LRRC28: variants seen among roughly 807,000 people sequenced by gnomAD.
LRRC28 encodes the protein leucine rich repeat containing 28.
LRRC28 carries 39 observed loss-of-function variants against 45.7 expected under a neutral mutation model. That is an observed-to-expected ratio of 0.85 (90% CI 0.66 to 1.12). The LOEUF (loss-of-function observed/expected upper bound fraction) is 1.12, where lower values mean the gene tolerates loss of function less well. Ranked by LOEUF, LRRC28 falls within the 50% of genes most tolerant of loss-of-function variation. LRRC28 has a pLI of 0.00. For synonymous variants in LRRC28, 206 were observed against 178.8 expected, an observed-to-expected ratio of 1.15 and a Z score of -1.22; for missense variants, 435 against 438.5, an observed-to-expected ratio of 0.99 and a Z score of 0.07.
intron 2 of LRRC28, chr15:99,258,601 A>T: frequency 1.3e-6 from 1 of 757,496 alleles, no homozygotes; most frequent in East Asian, 2.6e-5. Context: ...AAAGTTGAAA[A>T]AACTGTCTGT....
At chr15:99,355,251 A>G (rs1442784645) in intron 7 of LRRC28, among the ~76,000 whole-genome samples, 1 of 152,244 alleles carries the variant, frequency 6.6e-6, no homozygotes, top group Non-Finnish European at 1.5e-5. Flanking sequence ...AGATAGTTTA[A>G]ATGTTTATCT....
intron 9 of LRRC28, among the ~76,000 whole-genome samples, chr15:99,370,494 T>A (rs1160884378): frequency 2.0e-5 from 3 of 152,054 alleles, no homozygotes; most frequent in Non-Finnish European, 4.4e-5. Context: ...AAGGGGGGAA[T>A]GTGGAGTTAT....
intron 1 of LRRC28, among the ~76,000 whole-genome samples, chr15:99,255,463 T>C (rs1277718357): frequency 6.6e-6 from 1 of 152,028 alleles, no homozygotes; most frequent in Non-Finnish European, 1.5e-5. Flanking sequence ...CTATTAGTGC[T>C]CTAGATATAA....
At chr15:99,298,274 G>A (rs1164519071) in intron 5 of LRRC28, among the ~76,000 whole-genome samples, 2 of 152,198 alleles carry the variant, frequency 1.3e-5, no homozygotes, top group Non-Finnish European at 2.9e-5. Flanking sequence ...GCTTGGTGCT[G>A]TATGGGAACA....
chr15:99,309,611 G>T (rs1016002093), intron 5 of LRRC28, among the ~76,000 whole-genome samples: 22 of 152,128 alleles, frequency 1.4e-4, no homozygotes, highest in African/African-American at 4.6e-4. Flanking sequence ...GTTTCATCAT[G>T]TTGGCCAGGC....
At chr15:99,356,331 A>G (rs1045762469) in intron 7 of LRRC28, among the ~76,000 whole-genome samples, 2 of 152,212 alleles carry the variant, frequency 1.3e-5, no homozygotes, top group East Asian at 3.8e-4. Flanking sequence ...CAATGAAGTA[A>G]TGAATGAAAA....
chr15:99,333,010 C>T (rs1390459480), intron 5 of LRRC28, among the ~76,000 whole-genome samples: 1 of 152,178 alleles, frequency 6.6e-6, no homozygotes, highest in Non-Finnish European at 1.5e-5. Flanking sequence ...TGGTCTTCAA[C>T]GTCTCAGTCT....
At chr15:99,369,020 A>G (rs116475929) in intron 9 of LRRC28, among the ~76,000 whole-genome samples, 207 of 152,288 alleles carry the variant, frequency 1.4e-3, no homozygotes, top group African/African-American at 4.1e-3. Flanking sequence ...ACAGAACACA[A>G]TTCACTCAAG....
chr15:99,377,561 T>G (rs1957679612), intron 9 of LRRC28, among the ~76,000 whole-genome samples: 1 of 152,200 alleles, frequency 6.6e-6, no homozygotes, highest in Non-Finnish European at 1.5e-5. Context: ...ATCCCATTTG[T>G]CAATTTTGGC....
chr15:99,283,323 C>T (rs1042410801), intron 3 of LRRC28, among the ~76,000 whole-genome samples: 2 of 150,974 alleles, frequency 1.3e-5, no homozygotes, highest in African/African-American at 4.9e-5. Context: ...CTTAGAATTC[C>T]ATGGTACAGG....
chr15:99,284,965 G>A (rs2081918072), intron 3 of LRRC28: 1 of 622,032 alleles, frequency 1.6e-6, no homozygotes, highest in Non-Finnish European at 3.1e-6. Context: ...CCACCTCCAC[G>A]ACCACCATCA....
chr15:99,375,231 A>G lies in LRRC28; in HGVS notation c.1032-10799A>G, dbSNP rs141592750. Among the ~76,000 whole-genome samples the G allele has an allele frequency of 3.4e-4, 52 of 152,332 alleles. No homozygotes were observed. The East Asian group carries it at 8.7e-3, about 25-fold the overall frequency. On this transcript the variant is annotated intron_variant, in intron 9 of 9. Coordinates refer to ENST00000301981, the MANE Select transcript of LRRC28 (RefSeq NM_144598.5). The stretch of plus-strand genomic sequence containing the variant: ...AAATGCTGCTTCTGAGTCCATTGAT[A>G]TGATCATATGGTTTTTCTTTTGCCT...
intron 5 of LRRC28, among the ~76,000 whole-genome samples, chr15:99,332,426 T>G (rs529880188): frequency 1.7e-4 from 26 of 152,168 alleles, no homozygotes; most frequent in Non-Finnish European, 3.2e-4. Flanking sequence ...ATTAGAAAAA[T>G]AACTACAAGT....
rs776981133 is a variant in LRRC28 at position 99,386,109 on chromosome 15, C to G, written c.*7C>G. 4.3e-6 allele frequency: 7 copies of G among 1,612,262 alleles called. No individual in the cohort carries two copies. In the Admixed American group the frequency reaches 6.7e-5, roughly 15 times the overall value. The stretch of plus-strand genomic sequence containing the variant: ...TTTTGACCTGCTGAGTTGATAAACA[C>G]TCAAGAACCTCAGGAGCGCTGCCAG... On this transcript the variant is annotated 3_prime_UTR_variant, in exon 10 of 10. Coordinates refer to ENST00000301981, the MANE Select transcript of LRRC28 (RefSeq NM_144598.5).
At chr15:99,305,610 C>G (rs12594709) in intron 5 of LRRC28, among the ~76,000 whole-genome samples, 1 of 151,926 alleles carries the variant, frequency 6.6e-6, no homozygotes, top group South Asian at 2.1e-4. Flanking sequence ...AATATCAGGG[C>G]TTGTTTATTT....
intron 3 of LRRC28, chr15:99,285,352 T>C (rs2081929186): frequency 2.7e-6 from 2 of 742,696 alleles, no homozygotes; most frequent in Non-Finnish European, 2.5e-6. Context: ...CCACCTTGTG[T>C]GGCTTTGCAT....
Position 99,388,635 on chromosome 15 carries a change from A to G in LRRC28, c.*2533A>G, listed in dbSNP as rs1423675445. 6.6e-6 allele frequency: 1 copy of G among 152,260 alleles called. No individual in the cohort carries two copies. Among genetic ancestry groups the G allele is most frequent in the Non-Finnish European group, 1.5e-5 (1 of 68,048 alleles). The allele number at this position is 152,260 out of a possible 1,614,324, so 9.4% of individuals were successfully genotyped here. A position where few individuals can be genotyped will look rare whatever the true frequency, so the allele number is the denominator to read the frequency against. On this transcript the variant is annotated 3_prime_UTR_variant, in exon 10 of 10. Transcript: ENST00000301981. ...CTTACCAACTGGAGAAAATTTGCCT[A>G]CATGCTATATATTTGAATTGTGTCC...
intron 5 of LRRC28, among the ~76,000 whole-genome samples, chr15:99,316,681 A>G (rs996211658): frequency 8.6e-5 from 13 of 151,444 alleles, no homozygotes; most frequent in African/African-American, 3.2e-4. Context: ...TTGTGCAAAG[A>G]GAGATTTGAG....
At chr15:99,281,335 TCA>T (rs1297142507) in intron 3 of LRRC28, among the ~76,000 whole-genome samples, 1 of 152,160 alleles carries the variant, frequency 6.6e-6, no homozygotes, top group Non-Finnish European at 1.5e-5. Context: ...CACTGTAACA[TCA>T]AACTCCTGGG....
Sources: allele counts gnomAD v4.1 joint callset (sites outside exome capture counted in the v4.1 genomes callset), GRCh38; gene constraint gnomAD v4.1.1; transcripts MANE v1.5; gene names NCBI Gene and HGNC (gene_info 2026-07-23, HGNC 2026-07-21).